The following IGF2R variants were observed in gnomAD, a reference collection of about 807,000 sequenced individuals.
IGF2R encodes the protein insulin like growth factor 2 receptor.
Under a neutral mutation model 270.6 loss-of-function variants are expected in IGF2R, and 91 were observed. The observed-to-expected ratio is 0.34, with a 90% CI of 0.28 to 0.40. IGF2R has a LOEUF of 0.40. IGF2R is among the 10% of genes least tolerant of loss of function. IGF2R has a pLI of 1.00. For synonymous variants in IGF2R, 1,316 were observed against 1,258.9 expected (o/e 1.05, Z -0.96); for missense variants, 2,805 against 3,188.3 (o/e 0.88, Z 2.90).
At chr6:160,104,391 G>T (rs987268006) in intron 47 of IGF2R, among the ~76,000 whole-genome samples, 5 of 151,708 alleles carry the variant, frequency 3.3e-5, no homozygotes, top group African/African-American at 1.2e-4. Context: ...CATCCCGAAC[G>T]CCTTCTGCTT....
At chr6:160,097,651 C>CT (rs1272406699) in intron 45 of IGF2R, among the ~76,000 whole-genome samples, 6 of 152,306 alleles carry the variant, frequency 3.9e-5, no homozygotes, top group African/African-American at 1.4e-4. Flanking sequence ...TTTACATAAG[C>CT]TTTTCATTCT....
intron 17 of IGF2R, 142 bp from the exon 18 acceptor site, chr6:160,048,233 G>C (rs181047569): frequency 3.8e-6 from 3 of 785,990 alleles, no homozygotes; most frequent in Non-Finnish European, 6.4e-6. Flanking sequence ...TGCGTCATGC[G>C]CCCAGACAAG....
At chr6:160,078,510 C>G in intron 37 of IGF2R, 148 bp downstream of exon 37, 1 of 726,198 alleles carries the variant, frequency 1.4e-6, no homozygotes, top group Non-Finnish European at 2.3e-6. Flanking sequence ...TCTCGTAGGG[C>G]ATGCCAGGTC....
intron 17 of IGF2R, among the ~76,000 whole-genome samples, 178 bp from the exon 18 acceptor site, chr6:160,048,197 T>A (rs1476108629): frequency 6.6e-6 from 1 of 152,240 alleles, no homozygotes; most frequent in Non-Finnish European, 1.5e-5. Context: ...CATACTGAGT[T>A]CAGCGAAGGT....
chr6:160,076,590 C>G (rs540674278), intron 36 of IGF2R, among the ~76,000 whole-genome samples: 3 of 152,336 alleles, frequency 2.0e-5, no homozygotes, highest in Admixed American at 6.5e-5. Context: ...GGCCCCTATT[C>G]CACAGGGACT....
chr6:159,982,658 A>T (rs1205237007), intron 1 of IGF2R, among the ~76,000 whole-genome samples: 1 of 152,240 alleles, frequency 6.6e-6, no homozygotes, highest in Non-Finnish European at 1.5e-5. Flanking sequence ...GCAGGCCAGT[A>T]GTAAAATGTT....
Position 160,077,620 on chromosome 6 carries a change from C to T in IGF2R, c.5317-581C>T, listed in dbSNP as rs140135683. Among the ~76,000 whole-genome samples, 5 of 152,286 alleles carry T rather than the reference C, an allele frequency of 3.3e-5. No individual in the cohort carries two copies. The East Asian group carries it at 9.6e-4, about 29-fold the overall frequency. On this transcript the variant is annotated intron_variant, in intron 36 of 47. Transcript: ENST00000356956. ...AAAGATTTTTAGAAGATTTTTCTTC[C>T]CCAGCAGTTTTCATTTTCAATGGAA... is the stretch of plus-strand genomic sequence containing the variant.
intron 47 of IGF2R, 42 bp from the exon 48 acceptor site, chr6:160,104,632 T>C: frequency 6.3e-7 from 1 of 1,579,700 alleles, no homozygotes; most frequent in Non-Finnish European, 8.6e-7. Context: ...GAATGGGGTC[T>C]CTTAGGGGGC....
intron 1 of IGF2R, among the ~76,000 whole-genome samples, chr6:159,986,740 C>CTT (rs34584468): frequency 4.6e-4 from 67 of 144,446 alleles, no homozygotes; most frequent in African/African-American, 1.5e-3. Context: ...ATATTGATCT[C>CTT]TTTTTTTTTT....
chr6:160,025,536 G>A (rs1404976437), intron 5 of IGF2R, among the ~76,000 whole-genome samples: 3 of 152,138 alleles, frequency 2.0e-5, no homozygotes, highest in Non-Finnish European at 4.4e-5. Context: ...GATAGTAGAT[G>A]AGTATTAATT....
intron 8 of IGF2R, 47 bp from the exon 9 acceptor site, chr6:160,032,895 C>T (rs1375530939): frequency 6.8e-7 from 1 of 1,469,784 alleles, no homozygotes; most frequent in African/African-American, 1.4e-5. Context: ...CTTCTAATAC[C>T]TATTCATATA....
chr6:160,086,980 T>C (rs879530856), intron 41 of IGF2R, among the ~76,000 whole-genome samples: 2 of 151,766 alleles, frequency 1.3e-5, no homozygotes, highest in Non-Finnish European at 2.9e-5. Flanking sequence ...CCCAGACCGT[T>C]CCCAGAACAG....
At position 160,100,866 on chromosome 6, in the gene IGF2R, C is replaced by A. The variant is rs187397706; in HGVS notation, c.6843-1653C>A. 7.9e-3 allele frequency among the ~76,000 whole-genome samples: 1,066 copies of A among 135,166 alleles called. 16 individuals are homozygous for A. The highest frequency in any genetic ancestry group is 0.024 in the African/African-American group (908 of 37,640). The allele number at this position is 135,166 out of a possible 152,430, so 88.7% of individuals were successfully genotyped here. ...AGTGCAGTGGTGCGATCTTGGCTCA[C>A]TGCAACCTCTGCTTCCCAGATTCAA... is the stretch of plus-strand genomic sequence containing the variant. On this transcript the variant is annotated intron_variant, in intron 45 of 47. Coordinates refer to ENST00000356956, the MANE Select transcript of IGF2R (RefSeq NM_000876.4).
chr6:160,094,349 G>C, intron 44 of IGF2R: 1 of 243,118 alleles, frequency 4.1e-6, no homozygotes, highest in Admixed American at 5.1e-5. Flanking sequence ...TCTTTCACTG[G>C]ATGTAGACTG....
rs1779286936 is a variant in IGF2R, at chr6:160,093,848, TC to T, written c.6656-2590del. 5 of 729,772 alleles carry T rather than the reference TC, an allele frequency of 6.9e-6. No homozygotes were observed. The Admixed American group carries it at 8.8e-5, about 13-fold the overall frequency. 45.2% of individuals were successfully genotyped at this position (729,772 alleles called of 1,614,324 possible). On this transcript the variant is annotated intron_variant, in intron 44 of 47. Coordinates refer to ENST00000356956, the MANE Select transcript of IGF2R (RefSeq NM_000876.4). ...GTGCATGATGGTCCAAATAAATATC[TC>T]AGATAAGCAGCTGGGCAGTATCGCA... is the stretch of plus-strand genomic sequence containing the variant.
chr6:160,059,916 C>G (rs1209370661), intron 22 of IGF2R, among the ~76,000 whole-genome samples: 1 of 152,240 alleles, frequency 6.6e-6, no homozygotes, highest in Non-Finnish European at 1.5e-5. Context: ...GTTCAATAAG[C>G]CAACGAATTA....
At chr6:159,992,452 T>A (rs1783993324) in intron 2 of IGF2R, among the ~76,000 whole-genome samples, 1 of 152,226 alleles carries the variant, frequency 6.6e-6, no homozygotes, top group Non-Finnish European at 1.5e-5. Flanking sequence ...TACTTATAAG[T>A]GAGAACATGT....
At chr6:160,002,179 C>T (rs896591161) in intron 2 of IGF2R, among the ~76,000 whole-genome samples, 1 of 151,990 alleles carries the variant, frequency 6.6e-6, no homozygotes, top group African/African-American at 2.4e-5. Flanking sequence ...TCACTTGAGC[C>T]CAGAAGTTTG....
At position 160,050,554 on chromosome 6, in the gene IGF2R, C is replaced by A. The variant is rs192620654; in HGVS notation, c.2596C>A (p.Leu866Ile). The A allele has an allele frequency of 5.8e-5, 94 of 1,614,142 alleles. No individual in the cohort carries two copies. Among genetic ancestry groups the A allele is most frequent in the African/African-American group, 1.3e-5 (1 of 75,050 alleles). ...GGTGGTTGAGGACAGCGGCAGCCTC[C>A]TTCTGGAATACGTGAATGGGTCGGC... ...GPVVEDSGSL[L>I]LEYVNGSACT... Residue 866 changes from leucine (L) to isoleucine (I), a missense_variant, in exon 19 of 48, where the codon CTT becomes ATT. Coordinates refer to ENST00000356956, the MANE Select transcript of IGF2R (RefSeq NM_000876.4). This position sits in a 1 kb window ranked among gnomAD's most constrained non-coding sequence, Gnocchi z 4.0.
Sources: gnomAD v4.1 joint callset for allele counts (sites outside exome capture counted in the v4.1 genomes callset) on GRCh38, gnomAD v4.1.1 for gene constraint, Gnocchi (gnomAD v3.1) non-coding constraint, MANE v1.5 for transcripts, NCBI Gene and HGNC (gene_info 2026-07-23, HGNC 2026-07-21) for gene names.